Variants in PPP2CB observed in about 807,000 individuals in gnomAD.
PPP2CB encodes protein phosphatase 2 catalytic subunit beta.
In PPP2CB, 18 loss-of-function variants were observed where a neutral mutation model predicts 39.1. That is an observed-to-expected ratio of 0.46 (90% confidence interval 0.32 to 0.68). PPP2CB has a LOEUF of 0.68. Ranked by LOEUF, PPP2CB falls within the 30% of genes least tolerant of loss-of-function variation. The pLI, the probability that PPP2CB is intolerant of heterozygous loss-of-function variation, is 0.04. For synonymous variants in PPP2CB, 129 were observed against 133.8 expected, an observed-to-expected ratio of 0.96 and a Z score of 0.25; for missense variants, 226 against 396.9, an observed-to-expected ratio of 0.57 and a Z score of 3.66.
intron 5 of PPP2CB, chr8:30,793,230 G>A (rs1806466850): frequency 6.6e-6 from 1 of 152,094 alleles, no homozygotes; most frequent in Admixed American, 6.6e-5. Flanking sequence ...CCCAACTGAG[G>A]GATATTTCTG....
At position 30,797,869 on chromosome 8, in the gene PPP2CB, A is replaced by G; in HGVS notation, c.313-115T>C. The G allele has an allele frequency of 3.0e-6, 3 of 986,726 alleles. No individual in the cohort carries two copies. The South Asian group carries it at 5.2e-5, about 17-fold the overall frequency. The allele number at this position is 986,726 out of a possible 1,614,324, so 61.1% of individuals were successfully genotyped here. On this transcript the variant is annotated intron_variant, in intron 2 of 6. Coordinates refer to ENST00000221138, the MANE Select transcript of PPP2CB (RefSeq NM_001009552.2). ...GGCGCTTTTGGCCACCAGTATATTA[A>G]ATGTTAATTTCAGTTTCAAAATAAA... is the stretch of plus-strand genomic sequence containing the variant.
At chr8:30,796,990 C>T (rs754019431) in intron 3 of PPP2CB, among the ~76,000 whole-genome samples, 7 of 151,976 alleles carry the variant, frequency 4.6e-5, no homozygotes, top group Non-Finnish European at 1.0e-4. Context: ...ACCACAAGCA[C>T]GCGCCACTAT....
chr8:30,801,294 A>AGGCT (rs1348611662), intron 1 of PPP2CB, among the ~76,000 whole-genome samples: 1 of 152,154 alleles, frequency 6.6e-6, no homozygotes, highest in African/African-American at 2.4e-5. Context: ...GCACTTTGGG[A>AGGCT]GGCTGAGGCA....
At chr8:30,792,317 A>C (rs1806451979) in intron 5 of PPP2CB, among the ~76,000 whole-genome samples, 3 of 151,852 alleles carry the variant, frequency 2.0e-5, no homozygotes, top group Non-Finnish European at 4.4e-5. Context: ...AGCCTCCCAA[A>C]GTGCTGGGAA....
In PPP2CB at chr8:30,799,578, C is replaced by A; in HGVS notation, c.280G>T (p.Val94Leu). Residue 94 changes from valine (V) to leucine (L), a missense_variant, in exon 2 of 7, where the codon GTG (valine) becomes TTG (leucine). Val to Leu is a conservative substitution (Grantham distance 32, BLOSUM62 1). Around this residue, in one of 4 missense-constraint regions of PPP2CB, gnomAD observed 110 missense variants for 244.1 expected, o/e 0.45. Coordinates refer to ENST00000221138, the MANE Select transcript of PPP2CB (RefSeq NM_001009552.2). ...GDYVDRGYYS[V>L]ETVTLLVALK... ...GCTACAAGAAGAGTCACAGTCTCCA[C>A]TGAATAATATCCTCTGTCTACATAG... The A allele has an allele frequency of 6.2e-7, 1 of 1,613,626 alleles. No individual in the cohort carries two copies.
intron 1 of PPP2CB, among the ~76,000 whole-genome samples, chr8:30,810,903 A>G (rs566282791): frequency 6.6e-6 from 1 of 152,386 alleles, no homozygotes; most frequent in African/African-American, 2.4e-5. Flanking sequence ...TCAGACTAAC[A>G]AAATCTTTCC....
chr8:30,791,228 T>C lies in PPP2CB; in HGVS notation c.826A>G (p.Met276Val), dbSNP rs982067329. Residue 276 changes from methionine to valine, a missense_variant, in exon 6 of 7, where the codon ATG becomes GTG. This residue lies in a region of PPP2CB where 56 missense variants were observed against 92.0 expected (regional missense o/e 0.61). Transcript: ENST00000221138. ...CYRCGNQAAI[M>V]ELDDTLKYSF... Reference sequence around the variant, plus strand: ...TATTTTAAAGTGTCATCTAATTCCATGATAGCAGCCTGGTTCCCACAACGA... The same window carrying C: ...TATTTTAAAGTGTCATCTAATTCCACGATAGCAGCCTGGTTCCCACAACGA... The C allele has an allele frequency of 6.2e-7, 1 of 1,611,818 alleles. No homozygotes were observed. The highest frequency in any genetic ancestry group is 8.5e-7 in the Non-Finnish European group (1 of 1,179,258).
chr8:30,794,327 C>T, intron 3 of PPP2CB, 46 bp from the exon 4 acceptor site: 1 of 1,462,228 alleles, frequency 6.8e-7, no homozygotes, highest in Non-Finnish European at 9.5e-7. Context: ...TTACTAACTC[C>T]AAACAGTTAA....
intron 3 of PPP2CB, among the ~76,000 whole-genome samples, chr8:30,796,888 C>G (rs897854447): frequency 8.5e-5 from 13 of 152,134 alleles, no homozygotes; most frequent in African/African-American, 3.1e-4. Context: ...TGCTGTTGCC[C>G]AGGCTGAAGC....
chr8:30,794,377 T>TTG (rs1806485740), intron 3 of PPP2CB, 96 bp from the exon 4 acceptor site: 2 of 1,022,586 alleles, frequency 2.0e-6, no homozygotes, highest in Non-Finnish European at 2.9e-6. Flanking sequence ...GTCCAAATAG[T>TTG]GCCAACATTT....
intron 1 of PPP2CB, among the ~76,000 whole-genome samples, chr8:30,808,922 C>CTTTTT (rs34287210): frequency 8.6e-6 from 1 of 116,748 alleles, no homozygotes; most frequent in East Asian, 2.3e-4. Context: ...TTTACATGGC[C>CTTTTT]TTTTTTTTTT....
At chr8:30,793,119 C>G (rs1178808570) in intron 5 of PPP2CB, 1 of 152,172 alleles carries the variant, frequency 6.6e-6, no homozygotes, top group Non-Finnish European at 1.5e-5. Context: ...TTTAGGACCA[C>G]TTGATACAAT....
chr8:30,792,009 CATACATGTGTGTATAT>C (rs952713647), intron 5 of PPP2CB, among the ~76,000 whole-genome samples: 3 of 149,408 alleles, frequency 2.0e-5, no homozygotes, highest in Non-Finnish European at 4.4e-5. Flanking sequence ...TGTATACACA[CATACATGTGTGTATAT>C]ATGTATACAT....
At chr8:30,796,292 G>A (rs1314330541) in intron 3 of PPP2CB, among the ~76,000 whole-genome samples, 1 of 152,124 alleles carries the variant, frequency 6.6e-6, no homozygotes, top group Non-Finnish European at 1.5e-5. Context: ...ATATTCCCAC[G>A]AGCAGTCTAA....
rs558730739 is a variant in PPP2CB at position 30,812,216 on chromosome 8, C to T, written c.102+104G>A. On this transcript the variant is annotated intron_variant, in intron 1 of 6. Coordinates refer to ENST00000221138, the MANE Select transcript of PPP2CB (RefSeq NM_001009552.2). ...CCGGACCCACAGCCCCGCAGGCCCC[C>T]GGTGGGCCGCGCCGGGCCAGGGGCG... 6.0e-3 allele frequency: 4,832 copies of T among 807,272 alleles called. 184 individuals are homozygous for T. The African/African-American group carries it at 0.08, about 13-fold the overall frequency. The allele number at this position is 807,272 out of a possible 1,614,324, so 50.0% of individuals were successfully genotyped here.
chr8:30,795,565 C>A (rs1019461460), intron 3 of PPP2CB, among the ~76,000 whole-genome samples: 2 of 151,916 alleles, frequency 1.3e-5, no homozygotes, highest in African/African-American at 4.8e-5. Flanking sequence ...TTTTTCTGTG[C>A]GTGCCACGTC....
chr8:30,797,826 T>G (rs1806551998), intron 2 of PPP2CB, 72 bp from the exon 3 acceptor site: 2 of 1,459,176 alleles, frequency 1.4e-6, no homozygotes, highest in Non-Finnish European at 1.9e-6. Flanking sequence ...CACCAGTCTC[T>G]GACCCATTTT....
At chr8:30,786,509 T>TTTTTTTTTTTTTTTTTTTTTTG in intron 6 of PPP2CB, 2 of 382,536 alleles carry the variant, frequency 5.2e-6, no homozygotes, top group Non-Finnish European at 9.2e-6. Flanking sequence ...GGTGAAAATT[T>TTTTTTTTTTTTTTTTTTTTTTG]AAGAAGACAG....
chr8:30,812,471 T>TAC lies in PPP2CB; in HGVS notation c.-51_-50insGT, dbSNP rs2128763474. 8.5e-7 allele frequency: 1 copy of TAC among 1,170,472 alleles called. No individual in the cohort carries two copies. The allele number at this position is 1,170,472 out of a possible 1,614,324, so 72.5% of individuals were successfully genotyped here. On this transcript the variant is annotated 5_prime_UTR_variant, in exon 1 of 7. Transcript: ENST00000221138. Reference sequence around the variant, plus strand: ...CCGAGCCCCAGCCCGGCCGCCGCCCTCCCCCCTCCCCACCCGCCCCCGGCC... The same window carrying TAC: ...CCGAGCCCCAGCCCGGCCGCCGCCCTACCCCCCCTCCCCACCCGCCCCCGGCC...
Sources: gnomAD v4.1 joint callset for allele counts (sites outside exome capture counted in the v4.1 genomes callset) on GRCh38, gnomAD v4.1.1 for gene constraint, gnomAD v4.1.1 regional missense constraint, MANE v1.5 for transcripts, NCBI Gene and HGNC (gene_info 2026-07-23, HGNC 2026-07-21) for gene names.